Variants in IGSF11 observed in about 807,000 individuals in gnomAD.
IGSF11 encodes CXADR like 1.
IGSF11 carries 22 observed loss-of-function variants against 41.0 expected under a neutral mutation model. The observed-to-expected ratio is 0.54, with a 90% CI of 0.38 to 0.77. IGSF11 has a LOEUF of 0.77. IGSF11 is among the 30% of genes least tolerant of loss of function. IGSF11 has a pLI of 0.00. For missense variants in IGSF11, 444 were observed against 530.8 expected (o/e 0.84, Z 1.61); for synonymous variants, 219 against 201.3 (o/e 1.09, Z -0.74).
At chr3:119,046,258 A>C (rs538732372) in intron 1 of IGSF11, among the ~76,000 whole-genome samples, 241 of 148,780 alleles carry the variant, frequency 1.6e-3, no homozygotes, top group African/African-American at 5.7e-3. Flanking sequence ...AAAATTTAGA[A>C]GAATGTATAA....
intron 1 of IGSF11, among the ~76,000 whole-genome samples, chr3:118,966,053 A>G (rs1452724970): frequency 6.6e-6 from 1 of 152,088 alleles, no homozygotes; most frequent in Non-Finnish European, 1.5e-5. Flanking sequence ...GAACAAAACT[A>G]CAATAGTAGT....
At chr3:118,945,092 A>G (rs886454854) in intron 1 of IGSF11, 1 of 152,256 alleles carries the variant, frequency 6.6e-6, no homozygotes, top group African/African-American at 2.4e-5. Context: ...TATCTGCCTC[A>G]CAAAATCACT....
At chr3:119,008,106 G>T (rs753967857) in intron 1 of IGSF11, among the ~76,000 whole-genome samples, 2 of 152,008 alleles carry the variant, frequency 1.3e-5, no homozygotes, top group Non-Finnish European at 2.9e-5. Context: ...TGACTCTTGA[G>T]GGTTGAAATC....
At position 119,081,374 on chromosome 3, in the gene IGSF11, T is replaced by C. The variant is rs928366678; in HGVS notation, c.49+23770A>G. ...TATCCTTTTTCCCATTCTATTTCTTTGTGCTCTACTCGATCATTGTCATAA... is the reference window on the plus strand; with the variant it reads ...TATCCTTTTTCCCATTCTATTTCTTCGTGCTCTACTCGATCATTGTCATAA... On this transcript the variant is annotated intron_variant, in intron 1 of 6. Transcript: ENST00000354673. Among the ~76,000 whole-genome samples the C allele has an allele frequency of 2.6e-5, 4 of 152,304 alleles. No homozygotes were observed. The East Asian group carries it at 7.7e-4, about 29-fold the overall frequency.
intron 1 of IGSF11, among the ~76,000 whole-genome samples, chr3:119,049,299 G>A (rs1341004038): frequency 1.3e-5 from 2 of 151,454 alleles, no homozygotes; most frequent in African/African-American, 4.8e-5. Context: ...CTTCAGCAAA[G>A]TCTCAGGATA....
At chr3:119,007,735 A>T (rs899200532) in intron 1 of IGSF11, among the ~76,000 whole-genome samples, 2 of 152,104 alleles carry the variant, frequency 1.3e-5, no homozygotes, top group Non-Finnish European at 2.9e-5. Flanking sequence ...CTACAACTCG[A>T]CATTTCAAGT....
intron 1 of IGSF11, among the ~76,000 whole-genome samples, chr3:118,936,244 C>T (rs918713120): frequency 1.3e-5 from 2 of 152,082 alleles, no homozygotes; most frequent in African/African-American, 4.8e-5. Context: ...CAGTGGCTCA[C>T]ACTTGTAATC....
chr3:119,052,286 T>C (rs550530880), intron 1 of IGSF11, among the ~76,000 whole-genome samples: 1 of 151,806 alleles, frequency 6.6e-6, no homozygotes, highest in African/African-American at 2.4e-5. Flanking sequence ...TCGAGACAAG[T>C]CTGGCCAACA....
chr3:118,937,873 T>G (rs1326466770), intron 1 of IGSF11, among the ~76,000 whole-genome samples: 1 of 152,216 alleles, frequency 6.6e-6, no homozygotes, highest in Non-Finnish European at 1.5e-5. Context: ...ATAATTTCAG[T>G]GCTTTCTCAT....
intron 1 of IGSF11, among the ~76,000 whole-genome samples, chr3:118,957,858 T>C (rs189959010): frequency 1.3e-3 from 200 of 152,322 alleles, no homozygotes; most frequent in Non-Finnish European, 1.5e-3. Flanking sequence ...ATAAAATAAC[T>C]AGCATTCCTT....
chr3:119,073,302 G>C (rs1225615709), intron 1 of IGSF11, among the ~76,000 whole-genome samples: 1 of 152,200 alleles, frequency 6.6e-6, no homozygotes, highest in African/African-American at 2.4e-5. Context: ...AGTTCTCCAA[G>C]TCCCCACCTG....
chr3:118,971,155 A>G (rs889447974), intron 1 of IGSF11, among the ~76,000 whole-genome samples: 1 of 152,232 alleles, frequency 6.6e-6, no homozygotes, highest in Admixed American at 6.5e-5. Context: ...AAAAAGTACT[A>G]GAATGACTGA....
chr3:118,934,011 C>T (rs1310916063), intron 1 of IGSF11, among the ~76,000 whole-genome samples: 1 of 152,112 alleles, frequency 6.6e-6, no homozygotes, highest in Non-Finnish European at 1.5e-5. Context: ...GCACTGGAGA[C>T]TTCCTGATAG....
upstream of IGSF11, among the ~76,000 whole-genome samples, chr3:119,106,319 T>C (rs538352709): frequency 6.6e-6 from 1 of 152,312 alleles, no homozygotes; most frequent in African/African-American, 2.4e-5. Context: ...TTTCTAACTA[T>C]TTTTTGTACC....
chr3:119,069,768 C>T (rs2076366065), intron 1 of IGSF11, among the ~76,000 whole-genome samples: 1 of 151,584 alleles, frequency 6.6e-6, no homozygotes, highest in African/African-American at 2.4e-5. Context: ...ACTTTGTTAA[C>T]AGTTGCTCAC....
chr3:119,095,115 A>G (rs2076828994), intron 1 of IGSF11, among the ~76,000 whole-genome samples: 1 of 152,098 alleles, frequency 6.6e-6, no homozygotes, highest in Non-Finnish European at 1.5e-5. Context: ...CAAAGTAAAA[A>G]CTCAAACAAA....
intron 1 of IGSF11, among the ~76,000 whole-genome samples, chr3:119,039,880 A>G (rs996388640): frequency 3.3e-5 from 5 of 152,198 alleles, no homozygotes; most frequent in African/African-American, 1.2e-4. Flanking sequence ...AAAGAGATCT[A>G]ACTTAACCTA....
chr3:119,075,565 C>T (rs1169761444), intron 1 of IGSF11, among the ~76,000 whole-genome samples: 1 of 152,090 alleles, frequency 6.6e-6, no homozygotes, highest in Non-Finnish European at 1.5e-5. Flanking sequence ...AACGTAGATG[C>T]AAAAATCCTC....
chr3:118,998,091 A>C (rs564939894), intron 1 of IGSF11, among the ~76,000 whole-genome samples: 1 of 152,260 alleles, frequency 6.6e-6, no homozygotes, highest in South Asian at 2.1e-4. Context: ...ATAAAATAAT[A>C]ATATATTTTC....
Sources: allele counts gnomAD v4.1 joint callset (sites outside exome capture counted in the v4.1 genomes callset), GRCh38; gene constraint gnomAD v4.1.1; transcripts MANE v1.5; gene names NCBI Gene and HGNC (gene_info 2026-07-23, HGNC 2026-07-21).